NAALADL2: variants seen among roughly 807,000 people sequenced by gnomAD.
NAALADL2 encodes N-acetylated alpha-linked acidic dipeptidase like 2, also known as inactive N-acetylated-alpha-linked acidic dipeptidase-like protein 2.
Under a neutral mutation model 87.2 loss-of-function variants are expected in NAALADL2, and 76 were observed. That is an observed-to-expected ratio of 0.87 (90% CI 0.72 to 1.05). The LOEUF (loss-of-function observed/expected upper bound fraction) is 1.05. Ranked by LOEUF, NAALADL2 falls within the 50% of genes least tolerant of loss-of-function variation. NAALADL2 has a pLI of 0.00. For synonymous variants in NAALADL2, 354 were observed against 331.0 expected, an observed-to-expected ratio of 1.07 and a Z score of -0.75; for missense variants, 1,089 against 945.8, an observed-to-expected ratio of 1.15 and a Z score of -1.99.
At chr3:174,971,776 C>T (rs535490496) in intron 1 of NAALADL2, among the ~76,000 whole-genome samples, 49 of 152,026 alleles carry the variant, frequency 3.2e-4, no homozygotes, top group African/African-American at 9.9e-4. Flanking sequence ...CGGCTTACTG[C>T]AACCTCTGCC....
intron 1 of NAALADL2, among the ~76,000 whole-genome samples, chr3:174,445,986 C>G (rs1715025175): frequency 6.6e-6 from 1 of 152,098 alleles, no homozygotes; most frequent in African/African-American, 2.4e-5. Context: ...TTCTGTTTTG[C>G]ACTGTTGCAT....
At chr3:175,787,678 C>T (rs1329882545) in intron 13 of NAALADL2, among the ~76,000 whole-genome samples, 7 of 152,202 alleles carry the variant, frequency 4.6e-5, no homozygotes, top group East Asian at 3.9e-4. Context: ...TCTTCTGCGT[C>T]GCTCACGCTG....
Position 174,982,112 on chromosome 3 carries a change from A to G in NAALADL2, c.44-114678A>G, listed in dbSNP as rs542302469. Among the ~76,000 whole-genome samples, 51 of 152,328 alleles carry G rather than the reference A, an allele frequency of 3.3e-4. 1 individual carries two copies. In the South Asian group the frequency reaches 0.011, roughly 32 times the overall value. The stretch of plus-strand genomic sequence containing the variant: ...CCGATAGTGACTGGCAGTGTCTACA[A>G]CATACAACCAGAACCCACTTCAACA... On this transcript the variant is annotated intron_variant, in intron 1 of 13. Transcript: ENST00000454872.
intron 10 of NAALADL2, among the ~76,000 whole-genome samples, chr3:175,593,685 T>C (rs949768422): frequency 2.6e-5 from 4 of 152,146 alleles, no homozygotes; most frequent in Admixed American, 2.0e-4. Context: ...TTGTAGAGCA[T>C]AATTCCAGTC....
rs1270816537 is a variant in NAALADL2 at position 175,804,881 on chromosome 3, G to A, written c.*1678G>A. ...GCAGAAATCCATTTTCATCGAAATTGCCTGTGTGCACATATTTTTAGATGA... is the reference window on the plus strand; with the variant it reads ...GCAGAAATCCATTTTCATCGAAATTACCTGTGTGCACATATTTTTAGATGA... On this transcript the variant is annotated 3_prime_UTR_variant, in exon 14 of 14. Coordinates refer to ENST00000454872, the MANE Select transcript of NAALADL2 (RefSeq NM_207015.3). The A allele has an allele frequency of 6.6e-6, 1 of 151,842 alleles. No individual in the cohort carries two copies. The highest frequency in any genetic ancestry group is 1.9e-4 in the East Asian group (1 of 5,170). The allele number at this position is 151,842 out of a possible 1,614,324, so 9.4% of individuals were successfully genotyped here.
At position 175,695,468 on chromosome 3, in the gene NAALADL2, G is replaced by A. The variant is rs182987518; in HGVS notation, c.1897-41838G>A. 3.2e-3 allele frequency among the ~76,000 whole-genome samples: 482 copies of A among 152,180 alleles called. 3 individuals carry two copies. Among genetic ancestry groups the A allele is most frequent in the African/African-American group, 0.011 (464 of 41,538 alleles). On this transcript the variant is annotated intron_variant, in intron 11 of 13. Transcript: ENST00000454872. ...GTTTATTTTTCCAACGTCTGTTGTA[G>A]TAATGTTCATAGTGAGGTTTAAAAG...
At chr3:174,683,009 T>C (rs1727695754) in intron 2 of NAALADL2, among the ~76,000 whole-genome samples, 1 of 152,124 alleles carries the variant, frequency 6.6e-6, no homozygotes, top group African/African-American at 2.4e-5. Flanking sequence ...CTCAAAGACA[T>C]TTAAGATAAT....
intron 1 of NAALADL2, among the ~76,000 whole-genome samples, chr3:174,890,266 G>A (rs989214209): frequency 1.7e-4 from 26 of 152,140 alleles, no homozygotes; most frequent in African/African-American, 6.3e-4. Context: ...AATTTGAAAT[G>A]GAGAATCTCA....
chr3:175,232,268 AAAG>A (rs1202761643), intron 2 of NAALADL2, among the ~76,000 whole-genome samples: 1 of 152,124 alleles, frequency 6.6e-6, no homozygotes, highest in African/African-American at 2.4e-5. Flanking sequence ...AGAAGGAAGA[AAAG>A]AAGTGGGAAG....
chr3:175,223,538 G>T (rs1743714712), intron 2 of NAALADL2, among the ~76,000 whole-genome samples: 1 of 151,976 alleles, frequency 6.6e-6, no homozygotes, highest in Non-Finnish European at 1.5e-5. Flanking sequence ...TCCACTGATG[G>T]ACACTTGGGT....
At chr3:175,306,373 A>G (rs1278239365) in intron 4 of NAALADL2, among the ~76,000 whole-genome samples, 1 of 152,218 alleles carries the variant, frequency 6.6e-6, no homozygotes, top group Non-Finnish European at 1.5e-5. Context: ...GTACTTAGAT[A>G]AAACTACTAC....
At chr3:174,589,100 C>T (rs571500438) in intron 2 of NAALADL2, among the ~76,000 whole-genome samples, 2 of 152,318 alleles carry the variant, frequency 1.3e-5, no homozygotes, top group Admixed American at 1.3e-4. Flanking sequence ...CCCAGCCTCG[C>T]TGCCACCTTG....
At chr3:174,907,475 A>C in intron 1 of NAALADL2, among the ~76,000 whole-genome samples, 1 of 152,096 alleles carries the variant, frequency 6.6e-6, no homozygotes. Context: ...AAAATGGGAT[A>C]GTTCATTTGT....
chr3:174,656,620 C>T (rs1724958245), intron 2 of NAALADL2, among the ~76,000 whole-genome samples: 1 of 152,088 alleles, frequency 6.6e-6, no homozygotes, highest in South Asian at 2.1e-4. Context: ...CCAGATTAAA[C>T]TGTTTAGTAT....
chr3:174,533,677 G>A (rs916583193), intron 1 of NAALADL2, among the ~76,000 whole-genome samples: 4 of 150,344 alleles, frequency 2.7e-5, no homozygotes, highest in African/African-American at 7.3e-5. Context: ...GGAGCATAGC[G>A]ATTACAGTGT....
At chr3:175,099,018 A>G (rs1721666610) in intron 2 of NAALADL2, among the ~76,000 whole-genome samples, 1 of 151,724 alleles carries the variant, frequency 6.6e-6, no homozygotes, top group South Asian at 2.1e-4. Flanking sequence ...TTGTATTTGT[A>G]AGTTTATAGG....
chr3:175,756,949 T>A (rs1252437861), intron 13 of NAALADL2, among the ~76,000 whole-genome samples: 1 of 151,284 alleles, frequency 6.6e-6, no homozygotes. Flanking sequence ...TTAATGTATG[T>A]ATATGTGTAT....
chr3:175,730,395 GATATATATATATATATATAT>G lies in NAALADL2; in HGVS notation c.1897-6881_1897-6862del, dbSNP rs5854656. Among the ~76,000 whole-genome samples, 355 of 55,750 alleles carry G rather than the reference GATATATATATATATATATAT, an allele frequency of 6.4e-3. 7 individuals are homozygous for G. The highest frequency in any genetic ancestry group is 0.028 in the Middle Eastern group (2 of 72). 36.6% of individuals were successfully genotyped at this position (55,750 alleles called of 152,430 possible). A position where few individuals can be genotyped will look rare whatever the true frequency, so the allele number is the denominator to read the frequency against. On this transcript the variant is annotated intron_variant, in intron 11 of 13. Transcript: ENST00000454872. ...GAGTATTTTCAGAAAACTTAATACA[GATATATATATATATATATAT>G]ATATATATATATATATATATATATA...
At chr3:175,221,049 T>A (rs1262582769) in intron 2 of NAALADL2, among the ~76,000 whole-genome samples, 4 of 151,760 alleles carry the variant, frequency 2.6e-5, no homozygotes, top group Non-Finnish European at 5.9e-5. Context: ...TACAAAAAAA[T>A]TTAGCCAGCC....
Sources: gnomAD v4.1 joint callset for allele counts (sites outside exome capture counted in the v4.1 genomes callset) on GRCh38, gnomAD v4.1.1 for gene constraint, MANE v1.5 for transcripts, NCBI Gene and HGNC (gene_info 2026-07-23, HGNC 2026-07-21) for gene names.